TTLL1: variants seen among roughly 807,000 people sequenced by gnomAD.
TTLL1 encodes the protein polyglutamylase complex subunit TTLL1.
Under a neutral mutation model 47.8 loss-of-function variants are expected in TTLL1, and 33 were observed. That is an observed-to-expected ratio of 0.69 (90% CI 0.52 to 0.92). TTLL1 has a LOEUF of 0.92. Ranked by LOEUF, TTLL1 falls within the 40% of genes least tolerant of loss-of-function variation. The probability of loss-of-function intolerance (pLI) is 0.00; values close to 1 mark genes in which losing one functional copy is unlikely to be tolerated. For synonymous variants in TTLL1, 225 were observed against 214.1 expected, an observed-to-expected ratio of 1.05 and a Z score of -0.45; for missense variants, 488 against 547.5, an observed-to-expected ratio of 0.89 and a Z score of 1.08.
intron 10 of TTLL1, among the ~76,000 whole-genome samples, chr22:43,043,146 G>C (rs1925833637): frequency 6.6e-6 from 1 of 151,732 alleles, no homozygotes; most frequent in African/African-American, 2.4e-5. Context: ...TCACCATGTT[G>C]GCCAGGCTGG....
intron 2 of TTLL1, among the ~76,000 whole-genome samples, chr22:43,077,338 G>C (rs1244240520): frequency 6.6e-6 from 1 of 152,064 alleles, no homozygotes; most frequent in Admixed American, 6.6e-5. Flanking sequence ...CTCGATCTCT[G>C]CCTGGCTAAG....
intron 7 of TTLL1, among the ~76,000 whole-genome samples, 170 bp from the exon 8 acceptor site, chr22:43,059,697 C>T (rs1927276575): frequency 1.3e-5 from 2 of 151,992 alleles, no homozygotes; most frequent in South Asian, 2.1e-4. Context: ...GGCTATTTTC[C>T]GTTTTGTTTT....
chr22:43,046,172 G>C (rs1304707106), intron 10 of TTLL1, among the ~76,000 whole-genome samples: 1 of 152,138 alleles, frequency 6.6e-6, no homozygotes, highest in African/African-American at 2.4e-5. Flanking sequence ...AGTGAGCCAA[G>C]ATCGTGCCAC....
chr22:43,064,085 C>T, intron 6 of TTLL1, 105 bp downstream of exon 6: 3 of 1,536,562 alleles, frequency 2.0e-6, no homozygotes, highest in Non-Finnish European at 2.6e-6. Flanking sequence ...CCGTGCCAGG[C>T]ACCGCACATG....
chr22:43,062,215 G>A (rs1246900028), intron 7 of TTLL1, among the ~76,000 whole-genome samples: 3 of 152,124 alleles, frequency 2.0e-5, no homozygotes, highest in Non-Finnish European at 2.9e-5. Context: ...AGATTTGGCC[G>A]GGCGCAGTAG....
In TTLL1 at chr22:43,045,453, T is replaced by C. The variant is rs183112139; in HGVS notation, c.1142+957A>G. 3.3e-5 allele frequency among the ~76,000 whole-genome samples: 5 copies of C among 149,710 alleles called. 1 individual carries two copies. Among genetic ancestry groups the C allele is most frequent in the African/African-American group, 9.9e-5 (4 of 40,592 alleles). ...GCTATTTCCTTCCCGCTCTGTAAAA[T>C]AGATCTTATTATACCCATTTTTTTT... On this transcript the variant is annotated intron_variant, in intron 10 of 10. Coordinates refer to ENST00000266254, the MANE Select transcript of TTLL1 (RefSeq NM_012263.5).
At position 43,079,295 on chromosome 22, in the gene TTLL1, C is replaced by T. The variant is rs111579287; in HGVS notation, c.-5+607G>A. Among the ~76,000 whole-genome samples, 1,090 of 148,794 alleles carry T rather than the reference C, an allele frequency of 7.3e-3. 14 individuals carry two copies. The highest frequency in any genetic ancestry group is 0.025 in the African/African-American group (1,013 of 40,368). On this transcript the variant is annotated intron_variant, in intron 2 of 10. Transcript: ENST00000266254. ...CCCCAGAGCGTGAGCCCATCCCACA[C>T]CCCTCACATCTGCAGACACGGGGGC...
At chr22:43,057,017 A>T (rs1200572291) in intron 8 of TTLL1, among the ~76,000 whole-genome samples, 1 of 152,116 alleles carries the variant, frequency 6.6e-6, no homozygotes, top group African/African-American at 2.4e-5. Context: ...CACATCTGTA[A>T]TCCCAGCACT....
intron 3 of TTLL1, chr22:43,070,064 A>G: frequency 8.3e-7 from 1 of 1,205,250 alleles, no homozygotes; most frequent in East Asian, 2.6e-5. Flanking sequence ...AGCTGTGCTG[A>G]TTCTGAGCTG....
At chr22:43,087,232 A>G (rs1929279985) in intron 1 of TTLL1, among the ~76,000 whole-genome samples, 2 of 152,216 alleles carry the variant, frequency 1.3e-5, no homozygotes, top group Non-Finnish European at 1.5e-5. Flanking sequence ...TACTCAAAGC[A>G]TGGCCCACAT....
At chr22:43,047,882 G>A (rs2146961418) in intron 9 of TTLL1, among the ~76,000 whole-genome samples, 1 of 152,324 alleles carries the variant, frequency 6.6e-6, no homozygotes, top group South Asian at 2.1e-4. Context: ...ATTTCTCCCA[G>A]TCAGACTGCC....
intron 9 of TTLL1, among the ~76,000 whole-genome samples, chr22:43,046,784 C>T (rs1926174952): frequency 6.6e-6 from 1 of 152,172 alleles, no homozygotes; most frequent in African/African-American, 2.4e-5. Flanking sequence ...ATTCTCCTGC[C>T]TCAGCCTCCT....
In TTLL1 at chr22:43,039,716, A is replaced by C; in HGVS notation, c.*60T>G. 6 of 1,498,920 alleles carry C rather than the reference A, an allele frequency of 4.0e-6. No homozygotes were observed. The highest frequency in any genetic ancestry group is 5.4e-6 in the Non-Finnish European group (6 of 1,120,952). The allele number at this position is 1,498,920 out of a possible 1,614,324, so 92.9% of individuals were successfully genotyped here. ...AAGCTCTACAAAAGGGAAATTTCAA[A>C]ATAGGGCTTCAGCAGGGGCCCAGGT... On this transcript the variant is annotated 3_prime_UTR_variant, in exon 11 of 11. Coordinates refer to ENST00000266254, the MANE Select transcript of TTLL1 (RefSeq NM_012263.5).
chr22:43,088,101 G>A (rs1039169909), intron 1 of TTLL1, among the ~76,000 whole-genome samples: 1 of 150,686 alleles, frequency 6.6e-6, no homozygotes, highest in African/African-American at 2.4e-5. Flanking sequence ...TGAGCCGAGA[G>A]CGACCGCACT....
At chr22:43,064,143 G>A in intron 6 of TTLL1, 47 bp downstream of exon 6, 1 of 1,591,222 alleles carries the variant, frequency 6.3e-7, no homozygotes, top group Non-Finnish European at 8.5e-7. Context: ...AAGACGTTTT[G>A]GGTGAAAACA....
Position 43,088,324 on chromosome 22 carries a change from C to CTTTTTTTTTTTT in TTLL1, c.-90+941_-90+952dup, listed in dbSNP as rs1167618669. On this transcript the variant is annotated intron_variant, in intron 1 of 10. Transcript: ENST00000266254. Reference sequence around the variant, plus strand: ...AATTTGAGGGCAGAGAAGGGCCCATCTTTTTTTTTTTTTTTTTTTTTTTTT... The same window carrying CTTTTTTTTTTTT: ...AATTTGAGGGCAGAGAAGGGCCCATCTTTTTTTTTTTTTTTTTTTTTTTTTTTTTTTTTTTTT... 5.8e-4 allele frequency among the ~76,000 whole-genome samples: 33 copies of CTTTTTTTTTTTT among 56,490 alleles called. 2 individuals are homozygous for CTTTTTTTTTTTT. Among genetic ancestry groups the CTTTTTTTTTTTT allele is most frequent in the African/African-American group, 2.2e-3 (30 of 13,662 alleles). 37.1% of individuals were successfully genotyped at this position (56,490 alleles called of 152,430 possible).
intron 9 of TTLL1, among the ~76,000 whole-genome samples, chr22:43,050,673 C>T (rs1926556362): frequency 6.6e-6 from 1 of 151,974 alleles, no homozygotes; most frequent in Non-Finnish European, 1.5e-5. Context: ...CAGGTGCACA[C>T]CACCACACCT....
chr22:43,064,897 G>A (rs1445529036), intron 5 of TTLL1, among the ~76,000 whole-genome samples: 1 of 151,974 alleles, frequency 6.6e-6, no homozygotes, highest in African/African-American at 2.4e-5. Flanking sequence ...TGTAATCCCA[G>A]CACTTTGGGA....
chr22:43,062,558 A>C (rs1312926549), intron 7 of TTLL1, among the ~76,000 whole-genome samples: 1 of 151,856 alleles, frequency 6.6e-6, no homozygotes, highest in South Asian at 2.1e-4. Flanking sequence ...CGCCAGGCGC[A>C]GTGGCACACG....
Sources: gnomAD v4.1 joint callset for allele counts (sites outside exome capture counted in the v4.1 genomes callset) on GRCh38, gnomAD v4.1.1 for gene constraint, MANE v1.5 for transcripts, NCBI Gene and HGNC (gene_info 2026-07-23, HGNC 2026-07-21) for gene names.